The following TSHZ2 variants were observed in gnomAD, a reference collection of about 807,000 sequenced individuals.
The protein encoded by TSHZ2 is teashirt zinc finger homeobox 2.
Under a neutral mutation model 74.4 loss-of-function variants are expected in TSHZ2, and 21 were observed. The observed-to-expected ratio is 0.28, with a 90% CI of 0.20 to 0.41. TSHZ2 has a LOEUF of 0.41. Ranked by LOEUF, TSHZ2 falls within the 10% of genes least tolerant of loss-of-function variation. TSHZ2 has a pLI of 1.00. For synonymous variants in TSHZ2, 540 were observed against 515.3 expected (o/e 1.05, Z -0.65); for missense variants, 1,244 against 1,293.5 (o/e 0.96, Z 0.59).
At chr20:53,291,988 G>A (rs1991286213) in intron 2 of TSHZ2, among the ~76,000 whole-genome samples, 1 of 141,228 alleles carries the variant, frequency 7.1e-6, no homozygotes, top group Admixed American at 7.0e-5. Context: ...AGTCAGGATA[G>A]CATTTAAAAA....
chr20:53,266,970 G>A (rs1295114932), intron 2 of TSHZ2, among the ~76,000 whole-genome samples: 1 of 152,074 alleles, frequency 6.6e-6, no homozygotes, highest in Non-Finnish European at 1.5e-5. Context: ...TACAGAAGGT[G>A]TTTCACCATG....
intron 1 of TSHZ2, among the ~76,000 whole-genome samples, chr20:53,042,052 G>GAAA (rs542593949): frequency 6.8e-6 from 1 of 147,762 alleles, no homozygotes; most frequent in South Asian, 2.1e-4. Flanking sequence ...CCAAATGTGG[G>GAAA]AAAAAAAAAA....
At chr20:53,485,655 A>G (rs113074023) in intron 2 of TSHZ2, among the ~76,000 whole-genome samples, 13,172 of 151,540 alleles carry the variant, frequency 0.087, 624 homozygotes, top group East Asian at 0.17. Context: ...GTTGTAATGA[A>G]CCCACATCGT....
intron 2 of TSHZ2, among the ~76,000 whole-genome samples, chr20:53,419,213 G>T (rs1034576307): frequency 3.9e-5 from 6 of 152,192 alleles, no homozygotes; most frequent in African/African-American, 1.4e-4. Flanking sequence ...CACATGGCAG[G>T]TGTCACTCAG....
intron 1 of TSHZ2, among the ~76,000 whole-genome samples, chr20:53,209,640 T>C (rs988718559): frequency 1.3e-5 from 2 of 152,188 alleles, no homozygotes; most frequent in Non-Finnish European, 2.9e-5. Flanking sequence ...AGCCCTCCCA[T>C]TCTACTTCCA....
intron 2 of TSHZ2, among the ~76,000 whole-genome samples, chr20:53,417,638 G>T (rs1182519555): frequency 6.6e-6 from 1 of 152,066 alleles, no homozygotes; most frequent in Non-Finnish European, 1.5e-5. Context: ...ATAGGAATTT[G>T]CACAGCCTCC....
At chr20:53,008,780 G>A (rs1982737697) in intron 1 of TSHZ2, among the ~76,000 whole-genome samples, 1 of 152,012 alleles carries the variant, frequency 6.6e-6, no homozygotes, top group South Asian at 2.1e-4. Context: ...TATTCATGGG[G>A]AATACATTCC....
intron 1 of TSHZ2, among the ~76,000 whole-genome samples, chr20:53,079,833 T>C (rs200662617): frequency 0.016 from 2,229 of 142,350 alleles, 65 homozygotes; most frequent in African/African-American, 0.051. Context: ...GTTTTTTTTT[T>C]CTTTTTTTTT....
chr20:53,248,997 C>T (rs1412955999), intron 1 of TSHZ2, among the ~76,000 whole-genome samples: 1 of 147,004 alleles, frequency 6.8e-6, no homozygotes, highest in Non-Finnish European at 1.5e-5. Flanking sequence ...GCCACCACAC[C>T]TGGCTGATTT....
At position 53,059,123 on chromosome 20, in the gene TSHZ2, C is replaced by A. The variant is rs140964185; in HGVS notation, c.40+85790C>A. Reference sequence around the variant, plus strand: ...AATTGCCAAGCCAGGTAAAATGAGTCCATGGATAACTCTTAAATGTATTAA... The same window carrying A: ...AATTGCCAAGCCAGGTAAAATGAGTACATGGATAACTCTTAAATGTATTAA... On this transcript the variant is annotated intron_variant, in intron 1 of 2. Transcript: ENST00000371497. Among the ~76,000 whole-genome samples the A allele has an allele frequency of 7.7e-4, 110 of 142,156 alleles. 1 individual carries two copies. Among genetic ancestry groups the A allele is most frequent in the Admixed American group, 5.4e-3 (73 of 13,556 alleles). 93.3% of individuals were successfully genotyped at this position (142,156 alleles called of 152,430 possible).
chr20:53,224,482 C>T (rs1333272880), intron 1 of TSHZ2, among the ~76,000 whole-genome samples: 1 of 152,132 alleles, frequency 6.6e-6, no homozygotes, highest in Non-Finnish European at 1.5e-5. Flanking sequence ...GAACTGTTCT[C>T]ATGATGTTGT....
At chr20:53,466,432 C>T (rs1985566512) in intron 2 of TSHZ2, among the ~76,000 whole-genome samples, 1 of 151,980 alleles carries the variant, frequency 6.6e-6, no homozygotes, top group Non-Finnish European at 1.5e-5. Context: ...AAGTTAGCTG[C>T]AATAAATAAC....
intron 1 of TSHZ2, among the ~76,000 whole-genome samples, chr20:53,234,933 A>T (rs1989905860): frequency 6.6e-6 from 1 of 152,022 alleles, no homozygotes; most frequent in African/African-American, 2.4e-5. Flanking sequence ...TCTGACTGCT[A>T]GGAGTGTTAA....
intron 1 of TSHZ2, among the ~76,000 whole-genome samples, chr20:53,157,780 G>A (rs1987831254): frequency 6.6e-6 from 1 of 152,116 alleles, no homozygotes; most frequent in Non-Finnish European, 1.5e-5. Flanking sequence ...TTCCTTGAGT[G>A]TTCTTCATGT....
chr20:53,459,962 C>T (rs1288619747), intron 2 of TSHZ2, among the ~76,000 whole-genome samples: 5 of 152,170 alleles, frequency 3.3e-5, no homozygotes, highest in South Asian at 2.1e-4. Flanking sequence ...GAGGGTAACC[C>T]GACCTTTCTC....
chr20:53,252,782 A>G (rs1362643936), intron 1 of TSHZ2, among the ~76,000 whole-genome samples: 1 of 152,242 alleles, frequency 6.6e-6, no homozygotes, highest in Non-Finnish European at 1.5e-5. Flanking sequence ...CTGTTTTAGA[A>G]TAATAAGATA....
intron 2 of TSHZ2, among the ~76,000 whole-genome samples, chr20:53,281,526 G>A (rs1568850385): frequency 6.6e-6 from 1 of 152,188 alleles, no homozygotes. Flanking sequence ...GCATGGCTGA[G>A]TTCCAATAAA....
chr20:53,253,524 A>AG lies in TSHZ2; in HGVS notation c.67dup (p.Glu23GlyfsTer25). On this transcript the variant is annotated frameshift_variant, in exon 2 of 3. Transcript: ENST00000371497. LOFTEE classifies it high-confidence loss of function. The stretch of plus-strand genomic sequence containing the variant: ...GCTACGCCCAGGAGGAACAGCTGAA[A>AG]GAAGAGGAGGAAATAAAAGAAGAGG... 1 of 1,611,774 alleles carries AG rather than the reference A, an allele frequency of 6.2e-7. No individual in the cohort carries two copies.
chr20:53,074,224 G>A lies in TSHZ2; in HGVS notation c.40+100891G>A, dbSNP rs554328811. On this transcript the variant is annotated intron_variant, in intron 1 of 2. Coordinates refer to ENST00000371497, the MANE Select transcript of TSHZ2 (RefSeq NM_173485.6). The surrounding 1 kb of genome is among the most constrained non-coding windows in gnomAD (Gnocchi z 5.9). ...TGTGAAGTTAGAGGATTCTTCCTTTGAGTAAGAAGTTAAATGTTTCACTTT... is the reference window on the plus strand; with the variant it reads ...TGTGAAGTTAGAGGATTCTTCCTTTAAGTAAGAAGTTAAATGTTTCACTTT... Among the ~76,000 whole-genome samples, 2 of 152,284 alleles carry A rather than the reference G, an allele frequency of 1.3e-5. No individual in the cohort carries two copies. Among genetic ancestry groups the A allele is most frequent in the East Asian group, 1.9e-4 (1 of 5,186 alleles).
Sources: allele counts gnomAD v4.1 joint callset (sites outside exome capture counted in the v4.1 genomes callset), GRCh38; gene constraint gnomAD v4.1.1; non-coding constraint Gnocchi (gnomAD v3.1); transcripts MANE v1.5; gene names NCBI Gene and HGNC (gene_info 2026-07-23, HGNC 2026-07-21).